The following PCDHB15 variants were observed in gnomAD, a reference collection of about 807,000 sequenced individuals.
PCDHB15 encodes protocadherin beta 15.
For synonymous variants in PCDHB15, 492 were observed against 447.9 expected (o/e 1.10, Z -1.24); for missense variants, 1,032 against 991.7 (o/e 1.04, Z -0.55).
In PCDHB15 at chr5:141,247,596, T is replaced by A. The variant is rs1292882972; in HGVS notation, c.2018T>A (p.Leu673His). ...VDGFSQPYLP[L>H]PEAAPAQAQA... ...GGCTTCTCTCAGCCCTACCTGCCGCTCCCAGAGGCGGCCCCGGCCCAAGCC... is the reference window on the plus strand; with the variant it reads ...GGCTTCTCTCAGCCCTACCTGCCGCACCCAGAGGCGGCCCCGGCCCAAGCC... Residue 673 changes from leucine to histidine, a missense_variant, in exon 1 of 1, where the codon CTC (leucine) becomes CAC (histidine). Coordinates refer to ENST00000231173, the MANE Select transcript of PCDHB15 (RefSeq NM_018935.4). 4 of 1,610,022 alleles carry A rather than the reference T, an allele frequency of 2.5e-6. No individual in the cohort carries two copies. The African/African-American group carries it at 4.0e-5, about 16-fold the overall frequency.
rs1358501264 is a variant in PCDHB15, at chr5:141,246,770, G to A, written c.1192G>A (p.Glu398Lys). The A allele has an allele frequency of 6.2e-7, 1 of 1,614,104 alleles. No homozygotes were observed. Among genetic ancestry groups the A allele is most frequent in the East Asian group, 2.2e-5 (1 of 44,874 alleles). The change falls in exon 1 of 1, where the codon GAG becomes AAG. Residue 398 changes from glutamate (E) to lysine (K), a missense_variant. Transcript: ENST00000231173. The part of the protein sequence containing the change: ...DVPFKLKPSV[E>K]NFYRLVTEGA... ...TCCTTTTAAGCTAAAACCTTCTGTT[G>A]AGAATTTCTACAGGCTGGTAACAGA...
Position 141,246,686 on chromosome 5 carries a change from A to AT in PCDHB15, c.1110dup (p.Arg371Ter), listed in dbSNP as rs1755271539. The AT allele has an allele frequency of 6.2e-7, 1 of 1,614,048 alleles. No homozygotes were observed. Among genetic ancestry groups the AT allele is most frequent in the African/African-American group, 1.3e-5 (1 of 74,926 alleles). ...AGAGACAGAAGTGGCCCTGTTTAGG[A>AT]TTAGAGACCGAGACTCTGGGGAAAA... On this transcript the variant is annotated frameshift_variant, in exon 1 of 1. Coordinates refer to ENST00000231173, the MANE Select transcript of PCDHB15 (RefSeq NM_018935.4). LOFTEE classifies it low-confidence loss of function (END_TRUNC).
At position 141,247,304 on chromosome 5, in the gene PCDHB15, G is replaced by A. The variant is rs782566174; in HGVS notation, c.1726G>A (p.Val576Met). ...QNGSAPCTEL[V>M]PRAAEPGYLV... is the part of the protein sequence containing the mutation. ...CGGCTCCGCGCCCTGCACCGAGCTG[G>A]TGCCCCGGGCGGCCGAGCCGGGCTA... Residue 576 changes from valine to methionine, a missense_variant, in exon 1 of 1, where the codon GTG becomes ATG. Val to Met is a conservative substitution (Grantham distance 21). Coordinates refer to ENST00000231173, the MANE Select transcript of PCDHB15 (RefSeq NM_018935.4). 1.1e-4 allele frequency: 173 copies of A among 1,608,918 alleles called. No homozygotes were observed. The highest frequency in any genetic ancestry group is 9.8e-5 in the Non-Finnish European group (116 of 1,178,948).
rs1448639694 is a variant in PCDHB15, at chr5:141,245,629, CCTT to C, written c.55_57del (p.Leu21del). 2.2e-5 allele frequency: 35 copies of C among 1,614,122 alleles called. No individual in the cohort carries two copies. Among genetic ancestry groups the C allele is most frequent in the South Asian group, 1.2e-4 (11 of 91,094 alleles). ...CCGAACAAAGGCAAGTCCTGATTCT[CCTT>C]CTTTTACTGGAAGTGACTCTGGCAG... On this transcript the variant is annotated inframe_deletion, in exon 1 of 1. Transcript: ENST00000231173.
In PCDHB15 at chr5:141,247,671, C is replaced by A; in HGVS notation, c.2093C>A (p.Ser698Tyr). ...CTGGTGGTGGCATTGGCCTCGGTGT[C>A]TTCGCTCTTCCTCTTCTCGGTGTTC... ...VYLVVALASVSSLFLFSVFLF... is the reference protein window; with the variant it reads ...VYLVVALASVYSLFLFSVFLF... Residue 698 changes from serine to tyrosine, a missense_variant, in exon 1 of 1, where the codon TCT becomes TAT. Ser to Tyr is a moderately radical substitution (Grantham distance 144). Transcript: ENST00000231173. 1 of 1,610,464 alleles carries A rather than the reference C, an allele frequency of 6.2e-7. No homozygotes were observed. Among genetic ancestry groups the A allele is most frequent in the Non-Finnish European group, 8.5e-7 (1 of 1,179,882 alleles).
Position 141,247,052 on chromosome 5 carries a change from C to T in PCDHB15, c.1474C>T (p.Pro492Ser). ...CGCCCAGGTCACCTACTCGCTGCTGCCGCCCCGGGACCCGCACCTGCCCCT... is the reference window on the plus strand; with the variant it reads ...CGCCCAGGTCACCTACTCGCTGCTGTCGCCCCGGGACCCGCACCTGCCCCT... ...TNAQVTYSLLPPRDPHLPLTS... is the reference protein window; with the variant it reads ...TNAQVTYSLLSPRDPHLPLTS... The change falls in exon 1 of 1, where the codon CCG becomes TCG. Residue 492 changes from proline to serine, a missense_variant. Physicochemically the swap from Pro to Ser is moderately conservative, Grantham distance 74 (BLOSUM62 -1). Coordinates refer to ENST00000231173, the MANE Select transcript of PCDHB15 (RefSeq NM_018935.4). 5.0e-6 allele frequency: 8 copies of T among 1,613,792 alleles called. No homozygotes were observed. The highest frequency in any genetic ancestry group is 1.1e-5 in the South Asian group (1 of 91,058).
At position 141,248,164 on chromosome 5, in the gene PCDHB15, T is replaced by A; in HGVS notation, c.*222T>A. 2.6e-6 allele frequency: 1 copy of A among 384,710 alleles called. No individual in the cohort carries two copies. The highest frequency in any genetic ancestry group is 4.6e-6 in the Non-Finnish European group (1 of 217,330). The allele number at this position is 384,710 out of a possible 1,614,324, so 23.8% of individuals were successfully genotyped here. ...GGAAAGTTCATATTTCTGAATAAAT[T>A]AATAGTATTCATTCCTGAAGGGTGA... On this transcript the variant is annotated 3_prime_UTR_variant, in exon 1 of 1. Coordinates refer to ENST00000231173, the MANE Select transcript of PCDHB15 (RefSeq NM_018935.4).
In PCDHB15 at chr5:141,246,453, T is replaced by C. The variant is rs183567762; in HGVS notation, c.875T>C (p.Phe292Ser). ...AGCTCTCAGGAGATAGACAAACCTTTTGAGCTAAGCAGCCTTTCAGGAGAA... is the reference window on the plus strand; with the variant it reads ...AGCTCTCAGGAGATAGACAAACCTTCTGAGCTAAGCAGCCTTTCAGGAGAA... ...YYSSQEIDKP[F>S]ELSSLSGEIR... is the part of the protein sequence containing the mutation. Residue 292 changes from phenylalanine to serine, a missense_variant, in exon 1 of 1, where the codon TTT (phenylalanine) becomes TCT (serine). Coordinates refer to ENST00000231173, the MANE Select transcript of PCDHB15 (RefSeq NM_018935.4). The C allele has an allele frequency of 1.9e-6, 3 of 1,614,154 alleles. No individual in the cohort carries two copies. In the African/African-American group the frequency reaches 4.0e-5, roughly 22 times the overall value.
rs1554292031 is a variant in PCDHB15 at position 141,246,829 on chromosome 5, C to T, written c.1251C>T (p.Tyr417=). 1.2e-6 allele frequency: 2 copies of T among 1,614,056 alleles called. No individual in the cohort carries two copies. Among genetic ancestry groups the T allele is most frequent in the Admixed American group, 3.3e-5 (2 of 60,030 alleles). ...GALDRETRAE[Y]NITITITDLG... is the part of the protein sequence containing the mutation. Reference sequence around the variant, plus strand: ...TGGACAGAGAGACCAGAGCCGAGTACAACATCACCATCACCATCACAGACT... The same window carrying T: ...TGGACAGAGAGACCAGAGCCGAGTATAACATCACCATCACCATCACAGACT... The change falls in exon 1 of 1, where the codon TAC becomes TAT. Residue 417 remains tyrosine, a synonymous_variant. Coordinates refer to ENST00000231173, the MANE Select transcript of PCDHB15 (RefSeq NM_018935.4).
In PCDHB15 at chr5:141,247,718, T is replaced by G. The variant is rs782704686; in HGVS notation, c.2140T>G (p.Cys714Gly). 9 of 1,613,354 alleles carry G rather than the reference T, an allele frequency of 5.6e-6. No homozygotes were observed. The highest frequency in any genetic ancestry group is 3.3e-5 in the Admixed American group (2 of 60,002). Reference sequence around the variant, plus strand: ...GTTCCTGTTCGTGGCAGTGCGGCTGTGCAGGAGGAGCAGGGCGGCCTCAGT... The same window carrying G: ...GTTCCTGTTCGTGGCAGTGCGGCTGGGCAGGAGGAGCAGGGCGGCCTCAGT... ...SVFLFVAVRL[C>G]RRSRAASVGR... is the part of the protein sequence containing the mutation. The change falls in exon 1 of 1, where the codon TGC (cysteine) becomes GGC (glycine). Residue 714 changes from cysteine (C) to glycine (G), a missense_variant. Cys to Gly is a radical substitution (Grantham distance 159). Transcript: ENST00000231173.
chr5:141,246,234 C>T lies in PCDHB15; in HGVS notation c.656C>T (p.Ser219Phe), dbSNP rs782735514. Residue 219 changes from serine (S) to phenylalanine (F), a missense_variant, in exon 1 of 1, where the codon TCT becomes TTT. By Grantham distance (155) the Ser-to-Phe change is radical. Coordinates refer to ENST00000231173, the MANE Select transcript of PCDHB15 (RefSeq NM_018935.4). ...ACCTTGACAGCGGTGGACGGTGGCT[C>T]TCCACCCCGATCTGGCACCGTCCAG... The part of the protein sequence containing the change: ...RLTLTAVDGG[S>F]PPRSGTVQIL... 2 of 1,614,030 alleles carry T rather than the reference C, an allele frequency of 1.2e-6. No individual in the cohort carries two copies. Among genetic ancestry groups the T allele is most frequent in the East Asian group, 4.5e-5 (2 of 44,896 alleles).
In PCDHB15 at chr5:141,248,026, C is replaced by G; in HGVS notation, c.*84C>G. 1 of 1,330,966 alleles carries G rather than the reference C, an allele frequency of 7.5e-7. No homozygotes were observed. Among genetic ancestry groups the G allele is most frequent in the Non-Finnish European group, 1.0e-6 (1 of 986,318 alleles). 82.4% of individuals were successfully genotyped at this position (1,330,966 alleles called of 1,614,324 possible). A position where few individuals can be genotyped will look rare whatever the true frequency, so the allele number is the denominator to read the frequency against. On this transcript the variant is annotated 3_prime_UTR_variant, in exon 1 of 1. Transcript: ENST00000231173. ...TAGTTTTTTTTAACCCTTTAGTAAT[C>G]TTGAATTCTACTTTTTTTTAAATTT... is the stretch of plus-strand genomic sequence containing the variant.
Position 141,245,803 on chromosome 5 carries a change from G to A in PCDHB15, c.225G>A (p.Leu75=). 6.2e-7 allele frequency: 1 copy of A among 1,614,218 alleles called. No individual in the cohort carries two copies. The highest frequency in any genetic ancestry group is 8.5e-7 in the Non-Finnish European group (1 of 1,180,036). The change falls in exon 1 of 1, where the codon TTG becomes TTA. Residue 75 remains leucine, a synonymous_variant. Transcript: ENST00000231173. ...TTTCTGAGGATAACGAACAAGGCTTGCAGCTTGATCTGCAGACCGGGCAGT... is the reference window on the plus strand; with the variant it reads ...TTTCTGAGGATAACGAACAAGGCTTACAGCTTGATCTGCAGACCGGGCAGT... ...RVVSEDNEQG[L]QLDLQTGQLI...
Position 141,245,656 on chromosome 5 carries a change from A to G in PCDHB15, c.78A>G (p.Ala26=), listed in dbSNP as rs782470413. The G allele has an allele frequency of 1.3e-5, 21 of 1,614,102 alleles. No individual in the cohort carries two copies. The South Asian group carries it at 1.8e-4, about 14-fold the overall frequency. The change falls in exon 1 of 1, where the codon GCA becomes GCG. Residue 26 remains alanine (A), a synonymous_variant. Transcript: ENST00000231173. ...ILLLLLEVTL[A]GWEPRRYSVM... ...TTCTTTTACTGGAAGTGACTCTGGC[A>G]GGCTGGGAACCCCGTCGCTATTCTG...
chr5:141,245,854 G>A lies in PCDHB15; in HGVS notation c.276G>A (p.Arg92=). 6.2e-7 allele frequency: 1 copy of A among 1,614,172 alleles called. No individual in the cohort carries two copies. Among genetic ancestry groups the A allele is most frequent in the Non-Finnish European group, 8.5e-7 (1 of 1,180,034 alleles). The change falls in exon 1 of 1, where the codon CGG becomes CGA. Residue 92 remains arginine, a synonymous_variant. Coordinates refer to ENST00000231173, the MANE Select transcript of PCDHB15 (RefSeq NM_018935.4). ...GQLILNEKLD[R]EKLCGPTEPC... ...TGATATTAAATGAGAAGCTGGACCGGGAGAAGCTGTGTGGCCCTACTGAGC... is the reference window on the plus strand; with the variant it reads ...TGATATTAAATGAGAAGCTGGACCGAGAGAAGCTGTGTGGCCCTACTGAGC...
Position 141,247,148 on chromosome 5 carries a change from C to T in PCDHB15, c.1570C>T (p.Leu524=). 1 of 1,613,842 alleles carries T rather than the reference C, an allele frequency of 6.2e-7. No homozygotes were observed. The highest frequency in any genetic ancestry group is 8.5e-7 in the Non-Finnish European group (1 of 1,179,898). The change falls in exon 1 of 1, where the codon CTG becomes TTG. Residue 524 remains leucine (L), a synonymous_variant. Transcript: ENST00000231173. ...FALQSLDYEA[L]QAFEFRVGAT... is the part of the protein sequence containing the mutation. ...TCTCCAGTCGCTGGACTACGAGGCC[C>T]TGCAGGCTTTCGAGTTCCGCGTGGG...
At position 141,245,620 on chromosome 5, in the gene PCDHB15, C is replaced by T. The variant is rs781833471; in HGVS notation, c.42C>T (p.Val14=). The T allele has an allele frequency of 6.2e-7, 1 of 1,614,090 alleles. No individual in the cohort carries two copies. The highest frequency in any genetic ancestry group is 8.5e-7 in the Non-Finnish European group (1 of 1,180,048). The change falls in exon 1 of 1, where the codon GTC becomes GTT. Residue 14 remains valine, a synonymous_variant. Transcript: ENST00000231173. The part of the protein sequence containing the change: ...AGERFPEQRQ[V]LILLLLLEVT... ...AGCGCTTTCCCGAACAAAGGCAAGT[C>T]CTGATTCTCCTTCTTTTACTGGAAG...
In PCDHB15 at chr5:141,247,018, G is replaced by A. The variant is rs563092666; in HGVS notation, c.1440G>A (p.Ser480=). The change falls in exon 1 of 1, where the codon TCG becomes TCA. Residue 480 remains serine (S), a synonymous_variant. Coordinates refer to ENST00000231173, the MANE Select transcript of PCDHB15 (RefSeq NM_018935.4). ...IGSVSATDRD[S]GTNAQVTYSL... The stretch of plus-strand genomic sequence containing the variant: ...GTGTCAGCGCCACAGACAGAGACTC[G>A]GGCACCAACGCCCAGGTCACCTACT... 7.1e-5 allele frequency: 114 copies of A among 1,613,418 alleles called. No individual in the cohort carries two copies. Among genetic ancestry groups the A allele is most frequent in the South Asian group, 5.9e-4 (54 of 91,030 alleles).
Position 141,248,697 on chromosome 5 carries a change from G to A in PCDHB15, c.*755G>A, listed in dbSNP as rs1301797135. 1 of 152,232 alleles carries A rather than the reference G, an allele frequency of 6.6e-6. No homozygotes were observed. The highest frequency in any genetic ancestry group is 6.5e-5 in the Admixed American group (1 of 15,292). 9.4% of individuals were successfully genotyped at this position (152,232 alleles called of 1,614,324 possible). On this transcript the variant is annotated 3_prime_UTR_variant, in exon 1 of 1. Transcript: ENST00000231173. ...CCAATAGACACTAGGACCAAGTAAT[G>A]CATCTCCTGCAATTTCCTCTTTTCA...
Sources: gnomAD v4.1 joint callset for allele counts on GRCh38, gnomAD v4.1.1 for gene constraint, MANE v1.5 for transcripts, NCBI Gene and HGNC (gene_info 2026-07-23, HGNC 2026-07-21) for gene names.